Variants in KIAA0825 observed in about 807,000 individuals in gnomAD.
KIAA0825 encodes KIAA0825.
Under a neutral mutation model 147.6 loss-of-function variants are expected in KIAA0825, and 119 were observed. The observed-to-expected ratio is 0.81, with a 90% confidence interval of 0.69 to 0.94. The LOEUF is 0.94. Among genes scored for constraint, KIAA0825 ranks in the 40% least tolerant of loss-of-function variants. The pLI is 0.00. For synonymous variants in KIAA0825, 470 were observed against 518.1 expected (o/e 0.91, Z 1.26); for missense variants, 1,381 against 1,472.7 (o/e 0.94, Z 1.02).
chr5:94,163,083 A>G (rs1767723061), intron 20 of KIAA0825, among the ~76,000 whole-genome samples: 1 of 152,204 alleles, frequency 6.6e-6, no homozygotes, highest in Admixed American at 6.5e-5. Flanking sequence ...GACCTTACCA[A>G]AAGGCAACAA....
At chr5:94,546,468 C>T (rs558340945) in intron 2 of KIAA0825, among the ~76,000 whole-genome samples, 16 of 152,014 alleles carry the variant, frequency 1.1e-4, no homozygotes, top group African/African-American at 3.4e-4. Flanking sequence ...GTGGTGGTGG[C>T]CACAGGGGTG....
At chr5:94,466,047 C>T (rs543173300) in intron 10 of KIAA0825, among the ~76,000 whole-genome samples, 2 of 152,180 alleles carry the variant, frequency 1.3e-5, no homozygotes, top group East Asian at 3.9e-4. Flanking sequence ...AGTAAAATTT[C>T]CCATTATATT....
At chr5:94,447,229 G>T (rs895068099) in intron 13 of KIAA0825, among the ~76,000 whole-genome samples, 10 of 151,992 alleles carry the variant, frequency 6.6e-5, no homozygotes, top group African/African-American at 2.2e-4. Context: ...TCTTAAGAGA[G>T]ATTAAAATTA....
chr5:94,364,338 CATT>C (rs139036520), intron 20 of KIAA0825, among the ~76,000 whole-genome samples: 1,703 of 151,568 alleles, frequency 0.011, 30 homozygotes, highest in African/African-American at 0.039. Context: ...CTGTAGAAGT[CATT>C]AACACGGAGC....
intron 20 of KIAA0825, among the ~76,000 whole-genome samples, chr5:94,231,093 A>C (rs1774655720): frequency 6.6e-6 from 1 of 152,178 alleles, no homozygotes; most frequent in African/African-American, 2.4e-5. Flanking sequence ...CCCATGAAAA[A>C]TTCTGAAATT....
chr5:94,418,492 C>T (rs1753767277), intron 14 of KIAA0825, among the ~76,000 whole-genome samples: 3 of 138,126 alleles, frequency 2.2e-5, no homozygotes, highest in African/African-American at 7.8e-5. Flanking sequence ...CCCCACACTT[C>T]GATTATTTGG....
At chr5:94,505,834 G>A (rs1211953160) in intron 5 of KIAA0825, among the ~76,000 whole-genome samples, 2 of 152,032 alleles carry the variant, frequency 1.3e-5, no homozygotes, top group African/African-American at 4.8e-5. Context: ...CTATAATGTT[G>A]AGTCATTCGA....
chr5:94,438,831 C>T (rs966232769), intron 14 of KIAA0825, among the ~76,000 whole-genome samples: 7 of 152,100 alleles, frequency 4.6e-5, no homozygotes, highest in Admixed American at 2.0e-4. Flanking sequence ...TGGTAGGGCC[C>T]GATGACATTT....
At chr5:94,582,041 C>A (rs557627021) in intron 2 of KIAA0825, among the ~76,000 whole-genome samples, 26 of 152,176 alleles carry the variant, frequency 1.7e-4, no homozygotes, top group African/African-American at 5.8e-4. Flanking sequence ...GAAAGGGTAA[C>A]AGAAATATGA....
intron 20 of KIAA0825, among the ~76,000 whole-genome samples, chr5:94,201,127 G>A (rs1414517490): frequency 6.7e-6 from 1 of 150,270 alleles, no homozygotes; most frequent in African/African-American, 2.4e-5. Context: ...TGGTTGAAGT[G>A]GAAGGAACAG....
rs1252262575 is a variant in KIAA0825, at chr5:94,462,464, A to C, written c.2169T>G (p.Ile723Met). Residue 723 changes from isoleucine (I) to methionine (M), a missense_variant, in exon 12 of 21, where the codon ATT becomes ATG. Coordinates refer to ENST00000682413, the MANE Select transcript of KIAA0825 (RefSeq NM_001145678.3). Reference sequence around the variant, plus strand: ...TATTACAATGAGTGTGAATTTTAAAAATTTTATCATCTGTATGCTGATGAG... The same window carrying C: ...TATTACAATGAGTGTGAATTTTAAACATTTTATCATCTGTATGCTGATGAG... The part of the protein sequence containing the change: ...LNPHQHTDDK[I>M]FKIHTHCNNL... 1.8e-5 allele frequency: 28 copies of C among 1,535,094 alleles called. No homozygotes were observed. Among genetic ancestry groups the C allele is most frequent in the Non-Finnish European group, 2.5e-5 (28 of 1,133,616 alleles).
chr5:94,448,525 T>A lies in KIAA0825; in HGVS notation c.2357+4434A>T, dbSNP rs533730240. 2.0e-5 allele frequency among the ~76,000 whole-genome samples: 3 copies of A among 152,290 alleles called. No homozygotes were observed. In the South Asian group the frequency reaches 6.2e-4, roughly 32 times the overall value. On this transcript the variant is annotated intron_variant, in intron 13 of 20. Coordinates refer to ENST00000682413, the MANE Select transcript of KIAA0825 (RefSeq NM_001145678.3). ...TTGCTAAAAGCTGACTTAAATTCTT[T>A]CTGAAACAATGTGCAGGTACAAATA...
At chr5:94,206,720 T>A (rs187176775) in intron 20 of KIAA0825, among the ~76,000 whole-genome samples, 1 of 152,272 alleles carries the variant, frequency 6.6e-6, no homozygotes, top group Non-Finnish European at 1.5e-5. Context: ...CACACTATGG[T>A]TTCTTTTTAT....
intron 15 of KIAA0825, 55 bp downstream of exon 15, chr5:94,417,146 G>C: frequency 2.7e-6 from 4 of 1,458,732 alleles, no homozygotes; most frequent in Non-Finnish European, 3.7e-6. Context: ...CATCTTTAAA[G>C]GTACATATAA....
chr5:94,547,883 A>C (rs371972456), intron 2 of KIAA0825, among the ~76,000 whole-genome samples: 11 of 152,046 alleles, frequency 7.2e-5, no homozygotes, highest in Admixed American at 3.9e-4. Flanking sequence ...GAAAAAAAAA[A>C]CAAAAAAACC....
intron 15 of KIAA0825, among the ~76,000 whole-genome samples, chr5:94,405,950 T>C (rs894990125): frequency 3.9e-5 from 6 of 152,188 alleles, no homozygotes; most frequent in African/African-American, 7.2e-5. Context: ...TTTTTTGAGA[T>C]GGAGTCTAGC....
At chr5:94,249,225 A>G (rs969520453) in intron 20 of KIAA0825, among the ~76,000 whole-genome samples, 1 of 152,142 alleles carries the variant, frequency 6.6e-6, no homozygotes, top group African/African-American at 2.4e-5. Flanking sequence ...AATATAGAAC[A>G]AAAACAGCAT....
At chr5:94,255,414 T>C (rs1311827985) in intron 20 of KIAA0825, among the ~76,000 whole-genome samples, 1 of 151,776 alleles carries the variant, frequency 6.6e-6, no homozygotes, top group Non-Finnish European at 1.5e-5. Context: ...ATGAGGAAAA[T>C]GCCTAACCAG....
intron 20 of KIAA0825, among the ~76,000 whole-genome samples, chr5:94,155,926 T>A (rs1306103498): frequency 6.6e-6 from 1 of 152,180 alleles, no homozygotes; most frequent in African/African-American, 2.4e-5. Context: ...TTACACTGCT[T>A]TCATGGAATT....
Sources: allele counts gnomAD v4.1 joint callset (sites outside exome capture counted in the v4.1 genomes callset), GRCh38; gene constraint gnomAD v4.1.1; transcripts MANE v1.5; gene names NCBI Gene and HGNC (gene_info 2026-07-23, HGNC 2026-07-21).